TRAK1: variants seen among roughly 807,000 people sequenced by gnomAD.
The protein encoded by TRAK1 is trafficking kinesin protein 1.
In TRAK1, 33 loss-of-function variants were observed where a neutral mutation model predicts 92.1. That is an observed-to-expected ratio of 0.36 (90% confidence interval 0.27 to 0.48). TRAK1 has a LOEUF of 0.48. Among genes scored for constraint, TRAK1 ranks in the 20% least tolerant of loss-of-function variants. The pLI, the probability that TRAK1 is intolerant of heterozygous loss-of-function variation, is 0.99. For synonymous variants in TRAK1, 521 were observed against 517.3 expected (o/e 1.01, Z -0.10); for missense variants, 1,123 against 1,257.9 (o/e 0.89, Z 1.62).
intron 2 of TRAK1, among the ~76,000 whole-genome samples, chr3:42,169,015 G>A (rs1302870306): frequency 6.6e-6 from 1 of 152,132 alleles, no homozygotes; most frequent in Non-Finnish European, 1.5e-5. Context: ...GTAGAGATGA[G>A]GTTTCACCAT....
At chr3:42,176,793 T>G (rs1703277853) in intron 2 of TRAK1, 21 bp from the exon 3 acceptor site, 1 of 1,610,466 alleles carries the variant, frequency 6.2e-7, no homozygotes, top group East Asian at 2.2e-5. Context: ...GGAGTCTCAT[T>G]GTCATTTTTA....
chr3:42,159,397 C>T (rs558533878), intron 2 of TRAK1, among the ~76,000 whole-genome samples: 13 of 152,272 alleles, frequency 8.5e-5, no homozygotes, highest in African/African-American at 2.4e-4. Flanking sequence ...CGCTAGCACC[C>T]GGGGCTGCCT....
At chr3:42,087,543 G>C (rs939450536), upstream of TRAK1, 16 of 152,490 alleles carry the variant, frequency 1.0e-4, no homozygotes, top group Admixed American at 8.5e-4. Context: ...CTGAGCTTTC[G>C]GATTGTGAGA....
chr3:42,193,370 T>C (rs1228895663), intron 8 of TRAK1, among the ~76,000 whole-genome samples, 165 bp downstream of exon 8: 2 of 152,238 alleles, frequency 1.3e-5, no homozygotes, highest in African/African-American at 4.8e-5. Flanking sequence ...ACTGATTACC[T>C]GAATTGGTGA....
intron 1 of TRAK1, among the ~76,000 whole-genome samples, chr3:42,118,474 G>GC (rs1262217441): frequency 6.6e-6 from 1 of 152,216 alleles, no homozygotes; most frequent in Non-Finnish European, 1.5e-5. Flanking sequence ...TAAAATGTAA[G>GC]CATTGCCTCA....
intron 6 of TRAK1, among the ~76,000 whole-genome samples, chr3:42,189,882 T>C (rs992708222): frequency 1.9e-4 from 29 of 152,192 alleles, no homozygotes; most frequent in African/African-American, 6.8e-4. Flanking sequence ...CTGAGGCAAC[T>C]TGGGGACTCA....
At chr3:42,023,665 C>T (rs941539763) in intron 1 of TRAK1, among the ~76,000 whole-genome samples, 1 of 151,306 alleles carries the variant, frequency 6.6e-6, no homozygotes, top group Non-Finnish European at 1.5e-5. Context: ...TGAGTTGGAC[C>T]ACCATTAATC....
Position 42,223,404 on chromosome 3 carries a change from C to G in TRAK1, c.2529C>G (p.Leu843=). 1.2e-6 allele frequency: 2 copies of G among 1,614,180 alleles called. No individual in the cohort carries two copies. The highest frequency in any genetic ancestry group is 1.7e-6 in the Non-Finnish European group (2 of 1,180,034). Residue 843 remains leucine, a synonymous_variant, in exon 16 of 16, where the codon CTC becomes CTG. Transcript: ENST00000327628. This position sits in a 1 kb window ranked among gnomAD's most constrained non-coding sequence, Gnocchi z 6.1. The part of the protein sequence containing the change: ...QTDVSVSNLN[L]VDKVRRFGVA... Reference sequence around the variant, plus strand: ...ACGTGTCCGTCTCCAACCTCAACCTCGTGGACAAAGTCAGGAGGTTTGGGG... The same window carrying G: ...ACGTGTCCGTCTCCAACCTCAACCTGGTGGACAAAGTCAGGAGGTTTGGGG...
At chr3:42,130,530 A>G (rs1697055436) in intron 2 of TRAK1, among the ~76,000 whole-genome samples, 1 of 152,192 alleles carries the variant, frequency 6.6e-6, no homozygotes. Flanking sequence ...TGATCCTTTG[A>G]GGACTTGTTT....
intron 1 of TRAK1, among the ~76,000 whole-genome samples, chr3:42,015,096 A>G (rs1460533328): frequency 6.6e-6 from 1 of 152,168 alleles, no homozygotes; most frequent in Non-Finnish European, 1.5e-5. Context: ...TGAAGGGACA[A>G]CAGGCTGGGA....
intron 1 of TRAK1, among the ~76,000 whole-genome samples, chr3:42,116,167 G>A (rs1340651675): frequency 6.6e-6 from 1 of 152,236 alleles, no homozygotes; most frequent in Non-Finnish European, 1.5e-5. Flanking sequence ...TACATCCCGA[G>A]GCCTCTTGCA....
At position 42,223,443 on chromosome 3, in the gene TRAK1, G is replaced by A; in HGVS notation, c.2568G>A (p.Val856=). Residue 856 remains valine, a synonymous_variant, in exon 16 of 16, where the codon GTG becomes GTA. Transcript: ENST00000327628. The surrounding 1 kb of genome is among the most constrained non-coding windows in gnomAD (Gnocchi z 6.1). ...GGAGGTTTGGGGTGGCCAAAGTGGT[G>A]AACTCAGGGCGAGCCCATGTCCCCA... The part of the protein sequence containing the change: ...KVRRFGVAKV[V]NSGRAHVPTL... The A allele has an allele frequency of 1.9e-6, 3 of 1,614,058 alleles. No individual in the cohort carries two copies. The highest frequency in any genetic ancestry group is 2.5e-6 in the Non-Finnish European group (3 of 1,180,012).
chr3:42,178,584 T>G (rs2149369825), intron 3 of TRAK1, among the ~76,000 whole-genome samples: 1 of 152,286 alleles, frequency 6.6e-6, no homozygotes, highest in East Asian at 1.9e-4. Context: ...TCCTGTTTGT[T>G]TTGTTCATCC....
At chr3:42,213,470 A>G (rs1157604200) in intron 14 of TRAK1, among the ~76,000 whole-genome samples, 2 of 152,262 alleles carry the variant, frequency 1.3e-5, no homozygotes, top group Non-Finnish European at 2.9e-5. Flanking sequence ...AAAGCCAGGA[A>G]TCAGCTTCTT....
At chr3:42,129,295 G>A (rs971633896) in intron 2 of TRAK1, among the ~76,000 whole-genome samples, 1 of 152,128 alleles carries the variant, frequency 6.6e-6, no homozygotes, top group Non-Finnish European at 1.5e-5. Context: ...AGAGGTTCTC[G>A]GTTGTGGGCG....
At chr3:42,096,947 A>C (rs1706021410) in intron 1 of TRAK1, among the ~76,000 whole-genome samples, 1 of 152,258 alleles carries the variant, frequency 6.6e-6, no homozygotes. Context: ...TTCCACCTTC[A>C]TCTTATTCCC....
intron 2 of TRAK1, among the ~76,000 whole-genome samples, chr3:42,160,684 TC>T (rs1274746981): frequency 6.6e-6 from 1 of 151,640 alleles, no homozygotes; most frequent in Non-Finnish European, 1.5e-5. Context: ...CCTCAGGAAG[TC>T]CCTTGGTCCC....
At chr3:42,017,830 T>G (rs774563727) in intron 1 of TRAK1, among the ~76,000 whole-genome samples, 1 of 152,178 alleles carries the variant, frequency 6.6e-6, no homozygotes, top group African/African-American at 2.4e-5. Flanking sequence ...TTGGACTTAA[T>G]TTTTTTGTTT....
At chr3:42,053,753 C>T (rs1052194869) in intron 1 of TRAK1, among the ~76,000 whole-genome samples, 3 of 152,106 alleles carry the variant, frequency 2.0e-5, no homozygotes, top group Admixed American at 6.5e-5. Context: ...ATCATACCGC[C>T]TTTCCCCTCC....
Sources: gnomAD v4.1 joint callset for allele counts (sites outside exome capture counted in the v4.1 genomes callset) on GRCh38, gnomAD v4.1.1 for gene constraint, Gnocchi (gnomAD v3.1) non-coding constraint, MANE v1.5 for transcripts, NCBI Gene and HGNC (gene_info 2026-07-23, HGNC 2026-07-21) for gene names.